SYTL3: variants seen among roughly 807,000 people sequenced by gnomAD.
SYTL3 encodes the protein synaptotagmin like 3, also known as synaptotagmin-like protein 3.
In SYTL3, 88 loss-of-function variants were observed where a neutral mutation model predicts 82.1. The observed-to-expected ratio is 1.07, with a 90% CI of 0.90 to 1.28. SYTL3 has a LOEUF of 1.28. Ranked by LOEUF, SYTL3 falls within the 50% of genes most tolerant of loss-of-function variation. SYTL3 has a pLI of 0.00. For synonymous variants in SYTL3, 311 were observed against 289.4 expected, an observed-to-expected ratio of 1.07 and a Z score of -0.76; for missense variants, 831 against 757.6, an observed-to-expected ratio of 1.10 and a Z score of -1.14.
intron 10 of SYTL3, 147 bp downstream of exon 10, chr6:158,718,358 G>T (rs990768152): frequency 9.9e-7 from 1 of 1,009,972 alleles, no homozygotes; most frequent in Non-Finnish European, 1.3e-6. Flanking sequence ...ACCAGTCAGT[G>T]CCTCTATTTG....
chr6:158,701,075 A>G (rs1256523878), intron 6 of SYTL3, among the ~76,000 whole-genome samples: 1 of 151,562 alleles, frequency 6.6e-6, no homozygotes, highest in African/African-American at 2.4e-5. Flanking sequence ...CGTGCACAGT[A>G]ACCACAATGG....
intron 11 of SYTL3, among the ~76,000 whole-genome samples, chr6:158,732,447 G>T (rs543166367): frequency 1.3e-5 from 2 of 152,262 alleles, no homozygotes; most frequent in East Asian, 1.9e-4. Context: ...GTGTGCGCAC[G>T]GTAGGCCAGA....
chr6:158,756,719 A>ATTTTTTTTTT (rs758259824), intron 13 of SYTL3, among the ~76,000 whole-genome samples: 5 of 48,568 alleles, frequency 1.0e-4, no homozygotes, highest in South Asian at 1.1e-3. Flanking sequence ...TCAAAAAAAA[A>ATTTTTTTTTT]TTTTTTTTTT....
At chr6:158,724,834 G>GT (rs1433271336) in intron 10 of SYTL3, among the ~76,000 whole-genome samples, 1 of 152,156 alleles carries the variant, frequency 6.6e-6, no homozygotes, top group Non-Finnish European at 1.5e-5. Flanking sequence ...GACCAACATG[G>GT]TGAAACCCCA....
Position 158,743,780 on chromosome 6 carries a change from T to A in SYTL3, c.856-1700T>A, listed in dbSNP as rs190085834. Among the ~76,000 whole-genome samples the A allele has an allele frequency of 6.9e-4, 105 of 152,038 alleles. 1 individual carries two copies. Among genetic ancestry groups the A allele is most frequent in the African/African-American group, 2.3e-3 (97 of 41,448 alleles). On this transcript the variant is annotated intron_variant, in intron 11 of 17. Coordinates refer to ENST00000611299, the MANE Select transcript of SYTL3 (RefSeq NM_001242394.2). ...TTGAGTGTGTAAAAATTTTACATTG[T>A]TTTCCATTTTAACAGTGGAATGGTG...
intron 1 of SYTL3, among the ~76,000 whole-genome samples, chr6:158,650,547 T>C (rs966364348): frequency 4.6e-5 from 7 of 152,052 alleles, no homozygotes; most frequent in African/African-American, 1.7e-4. Context: ...TTAGCTAGGG[T>C]CTAATTTAAA....
chr6:158,748,970 C>T (rs1055988241), intron 12 of SYTL3, among the ~76,000 whole-genome samples: 7 of 152,132 alleles, frequency 4.6e-5, no homozygotes, highest in Non-Finnish European at 8.8e-5. Flanking sequence ...GCTGCAAGCC[C>T]AGCACTTTGG....
At chr6:158,742,349 G>C (rs942471698) in intron 11 of SYTL3, among the ~76,000 whole-genome samples, 1 of 152,170 alleles carries the variant, frequency 6.6e-6, no homozygotes, top group Non-Finnish European at 1.5e-5. Flanking sequence ...TTAACACACA[G>C]AGTGGAGGCA....
intron 14 of SYTL3, 127 bp from the exon 15 acceptor site, chr6:158,760,513 G>A (rs995970097): frequency 1.1e-4 from 81 of 742,838 alleles, no homozygotes; most frequent in Non-Finnish European, 1.8e-4. Context: ...GGACACACCT[G>A]CTCCACCCAG....
intron 7 of SYTL3, among the ~76,000 whole-genome samples, chr6:158,707,927 G>A (rs745636109): frequency 6.6e-6 from 1 of 151,972 alleles, no homozygotes; most frequent in African/African-American, 2.4e-5. Flanking sequence ...AGTTTGCTTC[G>A]TGGTTGATTC....
intron 2 of SYTL3, among the ~76,000 whole-genome samples, chr6:158,660,267 AAACAAC>A (rs201697599): frequency 6.6e-6 from 1 of 152,140 alleles, no homozygotes; most frequent in Non-Finnish European, 1.5e-5. Flanking sequence ...TCCGTCTCAA[AAACAAC>A]AACAACAACA....
At chr6:158,713,193 TG>T (rs1782954541) in intron 8 of SYTL3, among the ~76,000 whole-genome samples, 1 of 152,056 alleles carries the variant, frequency 6.6e-6, no homozygotes, top group African/African-American at 2.4e-5. Flanking sequence ...GATGGATGAT[TG>T]GATGGGTGGT....
At chr6:158,763,541 T>C in intron 17 of SYTL3, 32 bp downstream of exon 17, 1 of 1,574,948 alleles carries the variant, frequency 6.3e-7, no homozygotes, top group Non-Finnish European at 8.7e-7. Flanking sequence ...CAAACGTTTA[T>C]ACTTTGTGAT....
intron 11 of SYTL3, among the ~76,000 whole-genome samples, chr6:158,729,654 C>CCT (rs1261042086): frequency 6.6e-6 from 1 of 151,088 alleles, no homozygotes. Context: ...GCAAGCTCCG[C>CCT]CTCTCTGGTT....
At position 158,725,575 on chromosome 6, in the gene SYTL3, A is replaced by G. The variant is rs770974622; in HGVS notation, c.793A>G (p.Lys265Glu). ...CAAATGCTCTACTAACCCTATTTTG[A>G]AGCAACAGAATCTCCCATCCAGTCC... ...DPKCSTNPIL[K>E]QQNLPSSPAP... Residue 265 changes from lysine to glutamate, a missense_variant, in exon 11 of 18, where the codon AAG becomes GAG. By Grantham distance (56) the Lys-to-Glu change is moderately conservative. Coordinates refer to ENST00000611299, the MANE Select transcript of SYTL3 (RefSeq NM_001242394.2). 4 of 1,614,196 alleles carry G rather than the reference A, an allele frequency of 2.5e-6. No individual in the cohort carries two copies. In the Admixed American group the frequency reaches 6.7e-5, roughly 27 times the overall value.
chr6:158,755,584 C>T (rs567992428), intron 13 of SYTL3, among the ~76,000 whole-genome samples: 24 of 152,292 alleles, frequency 1.6e-4, no homozygotes, highest in African/African-American at 5.1e-4. Flanking sequence ...GAGCAGGGGA[C>T]GGCCCTGCTG....
intron 10 of SYTL3, among the ~76,000 whole-genome samples, chr6:158,724,312 T>C (rs563856967): frequency 1.2e-3 from 181 of 152,380 alleles, no homozygotes; most frequent in African/African-American, 4.1e-3. Flanking sequence ...ATTCTGGGGA[T>C]GGAAAGCATA....
chr6:158,704,436 G>A (rs1166927065), intron 6 of SYTL3, among the ~76,000 whole-genome samples: 1 of 152,376 alleles, frequency 6.6e-6, no homozygotes, highest in African/African-American at 2.4e-5. Flanking sequence ...GGACGCGGGG[G>A]ATTTGCGACC....
At chr6:158,659,350 A>C (rs1789084640) in intron 2 of SYTL3, among the ~76,000 whole-genome samples, 1 of 152,010 alleles carries the variant, frequency 6.6e-6, no homozygotes, top group African/African-American at 2.4e-5. Flanking sequence ...TGATCGTCTT[A>C]GTCTTTTCTT....
Sources: gnomAD v4.1 joint callset for allele counts (sites outside exome capture counted in the v4.1 genomes callset) on GRCh38, gnomAD v4.1.1 for gene constraint, MANE v1.5 for transcripts, NCBI Gene and HGNC (gene_info 2026-07-23, HGNC 2026-07-21) for gene names.